Variants in ATE1 observed in about 807,000 individuals in gnomAD.
The protein encoded by ATE1 is arginyl-tRNA--protein transferase 1.
In ATE1, 36 loss-of-function variants were observed where a neutral mutation model predicts 70.5. The observed-to-expected ratio is 0.51, with a 90% CI of 0.39 to 0.67. The LOEUF (loss-of-function observed/expected upper bound fraction) is 0.67, where lower values mean the gene tolerates loss of function less well. Among genes scored for constraint, ATE1 ranks in the 30% least tolerant of loss-of-function variants. The pLI, the probability that ATE1 is intolerant of heterozygous loss-of-function variation, is 0.00. For missense variants in ATE1, 593 were observed against 629.5 expected (o/e 0.94, Z 0.62); for synonymous variants, 232 against 219.3 (o/e 1.06, Z -0.51).
intron 8 of ATE1, among the ~76,000 whole-genome samples, chr10:121,848,627 A>G (rs1385995236): frequency 8.5e-5 from 12 of 141,314 alleles, no homozygotes; most frequent in Non-Finnish European, 1.5e-4. Flanking sequence ...AAAAAAAAAA[A>G]GGGCCAGGTG....
At chr10:121,778,093 T>G (rs1049697632) in intron 11 of ATE1, among the ~76,000 whole-genome samples, 1 of 152,230 alleles carries the variant, frequency 6.6e-6, no homozygotes, top group African/African-American at 2.4e-5. Context: ...AAGGAAACCT[T>G]GGAATCATCT....
chr10:121,825,836 C>T (rs543205059), intron 10 of ATE1, among the ~76,000 whole-genome samples: 2 of 152,186 alleles, frequency 1.3e-5, no homozygotes, highest in South Asian at 4.1e-4. Flanking sequence ...CGGGTATACA[C>T]AAAGAAGGGA....
intron 10 of ATE1, among the ~76,000 whole-genome samples, chr10:121,800,686 T>TA (rs774615830): frequency 1.6e-4 from 24 of 152,266 alleles, no homozygotes; most frequent in South Asian, 8.3e-4. Flanking sequence ...ATTAACTAGA[T>TA]AAAGTTTAAG....
chr10:121,879,171 C>T (rs1225121668), intron 7 of ATE1, among the ~76,000 whole-genome samples: 3 of 152,094 alleles, frequency 2.0e-5, no homozygotes, highest in Admixed American at 1.3e-4. Context: ...CAGATGCCAC[C>T]ATGATTTGTG....
intron 8 of ATE1, among the ~76,000 whole-genome samples, chr10:121,842,180 A>G (rs1347285899): frequency 6.6e-6 from 1 of 152,186 alleles, no homozygotes; most frequent in Non-Finnish European, 1.5e-5. Context: ...TATTATCTTA[A>G]TTTAACTATA....
Position 121,919,696 on chromosome 10 carries a change from G to A in ATE1, c.233+2653C>T, listed in dbSNP as rs1198131729. 5.5e-5 allele frequency among the ~76,000 whole-genome samples: 6 copies of A among 108,282 alleles called. No homozygotes were observed. The East Asian group carries it at 1.3e-3, about 23-fold the overall frequency. 71.0% of individuals were successfully genotyped at this position (108,282 alleles called of 152,430 possible). A position where few individuals can be genotyped will look rare whatever the true frequency, so the allele number is the denominator to read the frequency against. ...TTTGAGGTGGGTAGATCACGAGTTC[G>A]AGAGTAGCGCGGCCAACATGGTGAA... On this transcript the variant is annotated intron_variant, in intron 3 of 11. Coordinates refer to ENST00000224652, the MANE Select transcript of ATE1 (RefSeq NM_001001976.3).
At chr10:121,926,761 G>A (rs1456883091) in intron 1 of ATE1, 2 of 985,218 alleles carry the variant, frequency 2.0e-6, no homozygotes, top group East Asian at 1.1e-4. Flanking sequence ...GTACTTCCGG[G>A]CCTTCTTCCT....
At chr10:121,749,241 T>C (rs1242505355) in intron 11 of ATE1, among the ~76,000 whole-genome samples, 1 of 152,222 alleles carries the variant, frequency 6.6e-6, no homozygotes. Context: ...TAAGATTTTA[T>C]CTAATTCTGT....
At chr10:121,786,646 A>C (rs7922605) in intron 11 of ATE1, among the ~76,000 whole-genome samples, 93,228 of 151,774 alleles carry the variant, frequency 0.61, 28,633 homozygotes, top group South Asian at 0.66. Flanking sequence ...CCTCAAAAAA[A>C]AAAAAAATCT....
chr10:121,806,513 GA>G (rs1446144281), intron 10 of ATE1, among the ~76,000 whole-genome samples: 2 of 152,140 alleles, frequency 1.3e-5, no homozygotes, highest in Non-Finnish European at 2.9e-5. Flanking sequence ...ACCCAGGATT[GA>G]GGGGGGGAAA....
At chr10:121,886,773 G>A (rs541254654) in intron 7 of ATE1, among the ~76,000 whole-genome samples, 1 of 152,056 alleles carries the variant, frequency 6.6e-6, no homozygotes, top group African/African-American at 2.4e-5. Flanking sequence ...TGGTTTCCTT[G>A]TATGTCATTT....
chr10:121,742,841 A>C lies in ATE1; in HGVS notation c.*839T>G, dbSNP rs1564799619. Reference sequence around the variant, plus strand: ...ACCAAAGACAAATGTCCTGAGTTGTAAGATAAAAAACTAGTGACTATTTAT... The same window carrying C: ...ACCAAAGACAAATGTCCTGAGTTGTCAGATAAAAAACTAGTGACTATTTAT... On this transcript the variant is annotated 3_prime_UTR_variant, in exon 12 of 12. Transcript: ENST00000224652. 1 of 152,250 alleles carries C rather than the reference A, an allele frequency of 6.6e-6. No individual in the cohort carries two copies. The highest frequency in any genetic ancestry group is 1.5e-5 in the Non-Finnish European group (1 of 68,040). The allele number at this position is 152,250 out of a possible 1,614,324, so 9.4% of individuals were successfully genotyped here. A position where few individuals can be genotyped will look rare whatever the true frequency, so the allele number is the denominator to read the frequency against.
rs924677010 is a variant in ATE1 at position 121,902,496 on chromosome 10, A to G, written c.708T>C (p.Gly236=). The part of the protein sequence containing the change: ...AGELEGFQAQ[G]HPPSLFPPKA... ...TTGGTGGAAACAAAGATGGTGGGTG[A>G]CCTTGAGCCTGGAAACCCTCAAGTT... The change falls in exon 6 of 12, where the codon GGT becomes GGC. Residue 236 remains glycine (G), a synonymous_variant. Transcript: ENST00000224652. 4 of 1,614,088 alleles carry G rather than the reference A, an allele frequency of 2.5e-6. No individual in the cohort carries two copies. The African/African-American group carries it at 4.0e-5, about 16-fold the overall frequency.
intron 7 of ATE1, among the ~76,000 whole-genome samples, chr10:121,876,391 C>T (rs1035332299): frequency 6.6e-6 from 1 of 152,174 alleles, no homozygotes; most frequent in African/African-American, 2.4e-5. Flanking sequence ...TTTCTAACAG[C>T]AACAGGGATT....
chr10:121,783,408 G>C (rs1946076299), intron 11 of ATE1, among the ~76,000 whole-genome samples: 1 of 152,082 alleles, frequency 6.6e-6, no homozygotes, highest in Non-Finnish European at 1.5e-5. Context: ...AGCTTTGCTA[G>C]GTATTATAGT....
intron 8 of ATE1, among the ~76,000 whole-genome samples, chr10:121,866,151 G>A (rs1949656071): frequency 6.6e-6 from 1 of 152,164 alleles, no homozygotes; most frequent in South Asian, 2.1e-4. Flanking sequence ...CTTTGGTTTG[G>A]CTGTCAGGAG....
intron 10 of ATE1, among the ~76,000 whole-genome samples, chr10:121,798,829 G>A (rs1399079944): frequency 6.6e-6 from 1 of 151,758 alleles, no homozygotes; most frequent in Non-Finnish European, 1.5e-5. Context: ...AACCCAGAAG[G>A]TGGAGTTTGT....
At chr10:121,813,556 A>G (rs764577537) in intron 10 of ATE1, among the ~76,000 whole-genome samples, 3 of 152,244 alleles carry the variant, frequency 2.0e-5, no homozygotes, top group East Asian at 1.9e-4. Context: ...AGAGGGAAAC[A>G]TAACATTACA....
intron 8 of ATE1, among the ~76,000 whole-genome samples, chr10:121,862,532 A>ATTTTTTTTT (rs35130703): frequency 3.8e-4 from 40 of 105,378 alleles, no homozygotes; most frequent in African/African-American, 4.5e-4. Flanking sequence ...AATTTTTTTA[A>ATTTTTTTTT]TTTTTTTTTT....
Sources: allele counts gnomAD v4.1 joint callset (sites outside exome capture counted in the v4.1 genomes callset), GRCh38; gene constraint gnomAD v4.1.1; transcripts MANE v1.5; gene names NCBI Gene and HGNC (gene_info 2026-07-23, HGNC 2026-07-21).